Variants in NXN observed in about 807,000 individuals in gnomAD.
NXN encodes the protein nucleoredoxin, also known as nucleoredoxin 1.
A neutral mutation model predicts 48.6 loss-of-function variants in NXN; 16 were observed. That is an observed-to-expected ratio of 0.33 (90% CI 0.22 to 0.50). The LOEUF is 0.50. Ranked by LOEUF, NXN falls within the 20% of genes least tolerant of loss-of-function variation. The pLI is 0.98. For missense variants in NXN, 492 were observed against 605.5 expected, an observed-to-expected ratio of 0.81 and a Z score of 1.97; for synonymous variants, 281 against 269.6, an observed-to-expected ratio of 1.04 and a Z score of -0.41.
chr17:926,086 G>C (rs2068794865), intron 1 of NXN, among the ~76,000 whole-genome samples: 1 of 152,182 alleles, frequency 6.6e-6, no homozygotes, highest in Non-Finnish European at 1.5e-5. Context: ...GCAGAATTAT[G>C]ACCTGTCAGG....
chr17:902,366 G>A (rs757943163), intron 1 of NXN, among the ~76,000 whole-genome samples: 5 of 152,200 alleles, frequency 3.3e-5, no homozygotes, highest in Non-Finnish European at 5.9e-5. Context: ...TCGAAGGCAC[G>A]AGAATGTCCT....
At chr17:845,921 G>T (rs750124705) in intron 1 of NXN, among the ~76,000 whole-genome samples, 3 of 152,014 alleles carry the variant, frequency 2.0e-5, no homozygotes, top group Non-Finnish European at 4.4e-5. Flanking sequence ...AAATTAGCCG[G>T]GTGTGGTGGC....
chr17:819,271 G>A, intron 5 of NXN, 168 bp downstream of exon 5: 2 of 664,970 alleles, frequency 3.0e-6, no homozygotes, highest in Non-Finnish European at 5.4e-6. Context: ...TTTAAAAATG[G>A]CTTAGAATTC....
At chr17:921,132 C>T (rs1032982595) in intron 1 of NXN, among the ~76,000 whole-genome samples, 4 of 152,154 alleles carry the variant, frequency 2.6e-5, no homozygotes, top group East Asian at 1.9e-4. Flanking sequence ...TTAGACGGGA[C>T]GGCGTTCAGC....
chr17:854,701 G>A (rs1427511639), intron 1 of NXN, among the ~76,000 whole-genome samples: 3 of 150,512 alleles, frequency 2.0e-5, no homozygotes, highest in South Asian at 2.1e-4. Context: ...GCTCACGCCT[G>A]TAATCCCAGC....
intron 1 of NXN, among the ~76,000 whole-genome samples, chr17:839,858 A>AGGCCGAGGCG (rs1253142198): frequency 6.7e-5 from 10 of 148,200 alleles, no homozygotes; most frequent in African/African-American, 2.3e-4. Flanking sequence ...GCACTTTGGG[A>AGGCCGAGGCG]GGCCGAGGCG....
chr17:807,263 C>T (rs557756230), intron 5 of NXN, among the ~76,000 whole-genome samples: 3 of 152,334 alleles, frequency 2.0e-5, no homozygotes, highest in African/African-American at 7.2e-5. Flanking sequence ...CAAGGTCCTT[C>T]CTCAGAGTAG....
chr17:907,846 C>A (rs1301835549), intron 1 of NXN: 1 of 152,210 alleles, frequency 6.6e-6, no homozygotes, highest in East Asian at 1.9e-4. Context: ...TCTGTCCTCT[C>A]GAAACCAGTT....
At chr17:915,433 G>A (rs950690966) in intron 1 of NXN, among the ~76,000 whole-genome samples, 1 of 152,070 alleles carries the variant, frequency 6.6e-6, no homozygotes, top group Admixed American at 6.6e-5. Context: ...ACGGGAGTGT[G>A]CCATCACACC....
intron 1 of NXN, among the ~76,000 whole-genome samples, chr17:954,557 C>A (rs1199976589): frequency 1.3e-5 from 2 of 152,240 alleles, no homozygotes; most frequent in African/African-American, 4.8e-5. Context: ...GCATATTCGA[C>A]CTCCCTGCTC....
At chr17:880,610 G>A (rs1210153242) in intron 1 of NXN, among the ~76,000 whole-genome samples, 2 of 152,046 alleles carry the variant, frequency 1.3e-5, no homozygotes, top group East Asian at 1.9e-4. Flanking sequence ...TCTGATTAAA[G>A]CCAAACAATG....
chr17:959,204 C>T (rs1328462173), intron 1 of NXN: 2 of 1,030,138 alleles, frequency 1.9e-6, no homozygotes, highest in Admixed American at 3.2e-5. Flanking sequence ...TCAGCCAGTA[C>T]GTGTGTCAGC....
Position 799,663 on chromosome 17 carries a change from A to C in NXN, c.*1286T>G, listed in dbSNP as rs1911100680. On this transcript the variant is annotated 3_prime_UTR_variant, in exon 8 of 8. Transcript: ENST00000336868. ...CGGGGGTCAGGTCAGCCCAAGTAAG[A>C]GGCCAACAACCTACCTGGGCCGATA... is the stretch of plus-strand genomic sequence containing the variant. The C allele has an allele frequency of 6.6e-6, 1 of 152,294 alleles. No homozygotes were observed. Among genetic ancestry groups the C allele is most frequent in the South Asian group, 2.1e-4 (1 of 4,834 alleles). The allele number at this position is 152,294 out of a possible 1,614,324, so 9.4% of individuals were successfully genotyped here.
intron 1 of NXN, chr17:842,707 G>A (rs1914399637): frequency 7.2e-6 from 2 of 275,894 alleles, no homozygotes; most frequent in South Asian, 2.8e-4. Context: ...GGAGGCTGAG[G>A]CGGGTGGATC....
chr17:951,837 AG>A (rs1239068868), intron 1 of NXN, among the ~76,000 whole-genome samples: 3 of 151,978 alleles, frequency 2.0e-5, no homozygotes, highest in Non-Finnish European at 2.9e-5. Context: ...AGAGGACGGG[AG>A]GCAGGAAAGC....
intron 1 of NXN, among the ~76,000 whole-genome samples, chr17:829,259 G>A (rs1216590823): frequency 2.0e-5 from 3 of 151,312 alleles, no homozygotes; most frequent in Non-Finnish European, 2.9e-5. Context: ...CGGGTTCAAC[G>A]AATTCTCTGC....
intron 1 of NXN, among the ~76,000 whole-genome samples, chr17:882,215 G>A (rs1003360725): frequency 7.2e-5 from 11 of 152,072 alleles, no homozygotes; most frequent in Admixed American, 2.0e-4. Flanking sequence ...TCCTGAGCAC[G>A]GCCACCTTCC....
At chr17:914,730 C>T (rs553951062) in intron 1 of NXN, among the ~76,000 whole-genome samples, 19 of 152,176 alleles carry the variant, frequency 1.2e-4, no homozygotes, top group South Asian at 2.1e-4. Context: ...ACTCAGCAAG[C>T]GAGTTAACAG....
intron 1 of NXN, among the ~76,000 whole-genome samples, chr17:859,160 C>T (rs1490260318): frequency 2.0e-5 from 3 of 152,210 alleles, no homozygotes; most frequent in Admixed American, 2.0e-4. Context: ...GATGCAGTTT[C>T]CCGTCCAGCT....
Sources: gnomAD v4.1 joint callset for allele counts (sites outside exome capture counted in the v4.1 genomes callset) on GRCh38, gnomAD v4.1.1 for gene constraint, MANE v1.5 for transcripts, NCBI Gene and HGNC (gene_info 2026-07-23, HGNC 2026-07-21) for gene names.